Variants in DOCK3 observed in about 807,000 individuals in gnomAD.
DOCK3 encodes dedicator of cytokinesis protein 3.
DOCK3 carries 60 observed loss-of-function variants against 265.6 expected under a neutral mutation model. That is an observed-to-expected ratio of 0.23 (90% CI 0.18 to 0.28). The LOEUF (loss-of-function observed/expected upper bound fraction) is 0.28. Ranked by LOEUF, DOCK3 falls within the 10% of genes least tolerant of loss-of-function variation. The pLI, the probability that DOCK3 is intolerant of heterozygous loss-of-function variation, is 1.00. For synonymous variants in DOCK3, 881 were observed against 938.0 expected (o/e 0.94, Z 1.11); for missense variants, 1,981 against 2,594.3 (o/e 0.76, Z 5.14).
chr3:51,364,630 G>A (rs1213589298), intron 49 of DOCK3, among the ~76,000 whole-genome samples: 2 of 152,192 alleles, frequency 1.3e-5, no homozygotes, highest in Non-Finnish European at 2.9e-5. Flanking sequence ...TAACATTTAA[G>A]TCTTTAATCC....
At chr3:51,019,682 A>T (rs2079503869) in intron 5 of DOCK3, among the ~76,000 whole-genome samples, 1 of 149,958 alleles carries the variant, frequency 6.7e-6, no homozygotes. Flanking sequence ...CCATGCATCC[A>T]TATGTTCTCA....
chr3:51,090,523 TG>T, intron 9 of DOCK3, 139 bp downstream of exon 9: 2 of 937,516 alleles, frequency 2.1e-6, no homozygotes, highest in Non-Finnish European at 3.0e-6. Flanking sequence ...CTAGGAGTTT[TG>T]GCCCCAATTC....
chr3:51,267,639 G>C (rs1576599793), intron 23 of DOCK3, among the ~76,000 whole-genome samples: 2 of 152,208 alleles, frequency 1.3e-5, no homozygotes, highest in Middle Eastern at 6.8e-3. Context: ...ACCTGCCCCA[G>C]CCTCCCAAAG....
intron 22 of DOCK3, among the ~76,000 whole-genome samples, chr3:51,254,778 T>G (rs1461365191): frequency 2.6e-5 from 4 of 152,138 alleles, no homozygotes; most frequent in South Asian, 2.1e-4. Flanking sequence ...TGTGAGATGG[T>G]TCTCCTTAAT....
At chr3:50,833,069 A>C (rs1410215910) in intron 2 of DOCK3, among the ~76,000 whole-genome samples, 1 of 152,186 alleles carries the variant, frequency 6.6e-6, no homozygotes, top group Non-Finnish European at 1.5e-5. Flanking sequence ...TGAACTGGGC[A>C]GTTGTTGGAA....
At chr3:50,942,283 T>C (rs940032999) in intron 5 of DOCK3, among the ~76,000 whole-genome samples, 1 of 152,014 alleles carries the variant, frequency 6.6e-6, no homozygotes, top group East Asian at 1.9e-4. Context: ...CAAAGTTAAA[T>C]TTTAAGCTTC....
chr3:51,023,798 T>C (rs2079698164), intron 5 of DOCK3, among the ~76,000 whole-genome samples: 1 of 152,196 alleles, frequency 6.6e-6, no homozygotes, highest in Non-Finnish European at 1.5e-5. Context: ...TCATTTTTGT[T>C]GGTTTTCACC....
At chr3:51,000,685 G>A (rs1276423990) in intron 5 of DOCK3, among the ~76,000 whole-genome samples, 2 of 151,632 alleles carry the variant, frequency 1.3e-5, no homozygotes, top group Non-Finnish European at 2.9e-5. Context: ...ATGGAGTCTC[G>A]CTCTGTCTCC....
intron 2 of DOCK3, among the ~76,000 whole-genome samples, chr3:50,791,770 G>T (rs1478368112): frequency 6.6e-6 from 1 of 152,048 alleles, no homozygotes; most frequent in African/African-American, 2.4e-5. Flanking sequence ...GTGCTCTGTT[G>T]TTTTCCATTG....
chr3:51,158,958 C>T (rs1355915522), intron 10 of DOCK3, among the ~76,000 whole-genome samples: 1 of 152,142 alleles, frequency 6.6e-6, no homozygotes, highest in Non-Finnish European at 1.5e-5. Context: ...TGGAATAAGG[C>T]GATATCATGA....
intron 2 of DOCK3, among the ~76,000 whole-genome samples, chr3:50,799,889 T>C (rs1467192996): frequency 6.6e-6 from 1 of 152,192 alleles, no homozygotes; most frequent in African/African-American, 2.4e-5. Flanking sequence ...ACATAATTTA[T>C]TAAGTGTTTT....
chr3:51,055,231 G>A (rs1018811415), intron 5 of DOCK3, among the ~76,000 whole-genome samples: 1 of 152,088 alleles, frequency 6.6e-6, no homozygotes, highest in Non-Finnish European at 1.5e-5. Flanking sequence ...TAACATCTGG[G>A]GAGCTCGATG....
At chr3:51,033,149 C>T (rs2080119657) in intron 5 of DOCK3, among the ~76,000 whole-genome samples, 1 of 152,116 alleles carries the variant, frequency 6.6e-6, no homozygotes, top group African/African-American at 2.4e-5. Context: ...TGCTTGATTT[C>T]CCATTAAAAC....
chr3:51,133,109 G>A (rs1407853863), intron 9 of DOCK3, among the ~76,000 whole-genome samples: 1 of 152,132 alleles, frequency 6.6e-6, no homozygotes, highest in Non-Finnish European at 1.5e-5. Context: ...CTAGAGGTGA[G>A]GCTGAGAGTG....
intron 1 of DOCK3, among the ~76,000 whole-genome samples, chr3:50,692,920 A>G (rs1484625830): frequency 2.0e-5 from 3 of 152,204 alleles, no homozygotes; most frequent in Non-Finnish European, 4.4e-5. Context: ...ATGTGTTATT[A>G]CAAGGGTCCA....
chr3:50,887,281 T>C (rs1372257896), intron 3 of DOCK3, among the ~76,000 whole-genome samples: 1 of 151,456 alleles, frequency 6.6e-6, no homozygotes, highest in Non-Finnish European at 1.5e-5. Context: ...GATAAATTTC[T>C]GGACACATAC....
In DOCK3 at chr3:51,214,241, A is replaced by G. The variant is rs1269265799; in HGVS notation, c.1246A>G (p.Met416Val). ...TRKLGFPDVI[M>V]PGDIRNDLYL... ...AAAATTGGGATTTCCTGATGTCATT[A>G]TGCCAGGTATGCAGAACTGCTTGGG... Residue 416 changes from methionine (M) to valine (V), a missense_variant, in exon 14 of 53, where the codon ATG becomes GTG. Met to Val is a conservative substitution (Grantham distance 21, BLOSUM62 1). Coordinates refer to ENST00000266037, the MANE Select transcript of DOCK3 (RefSeq NM_004947.5). 1 of 1,613,584 alleles carries G rather than the reference A, an allele frequency of 6.2e-7. No homozygotes were observed. The highest frequency in any genetic ancestry group is 1.1e-5 in the South Asian group (1 of 91,020).
intron 12 of DOCK3, among the ~76,000 whole-genome samples, chr3:51,201,210 A>C (rs1227949068): frequency 6.6e-6 from 1 of 151,194 alleles, no homozygotes; most frequent in East Asian, 1.9e-4. Flanking sequence ...AAATGCTCCA[A>C]TTAAAAGACA....
intron 5 of DOCK3, among the ~76,000 whole-genome samples, chr3:51,010,336 C>T (rs2078892175): frequency 6.6e-6 from 1 of 152,164 alleles, no homozygotes; most frequent in Admixed American, 6.5e-5. Flanking sequence ...GGATATTTAG[C>T]TCTTCTTGGT....
Sources: allele counts gnomAD v4.1 joint callset (sites outside exome capture counted in the v4.1 genomes callset), GRCh38; gene constraint gnomAD v4.1.1; transcripts MANE v1.5; gene names NCBI Gene and HGNC (gene_info 2026-07-23, HGNC 2026-07-21).